The following GPC5 variants were observed in gnomAD, a reference collection of about 807,000 sequenced individuals.
GPC5 encodes the protein glypican 5.
Under a neutral mutation model 53.9 loss-of-function variants are expected in GPC5, and 47 were observed. The ratio of observed to expected loss-of-function variants is 0.87; its 90% CI spans 0.69 to 1.11. GPC5 has a LOEUF of 1.11. GPC5 is among the 50% of genes most tolerant of loss of function. The probability of loss-of-function intolerance (pLI) is 0.00; values close to 1 mark genes in which losing one functional copy is unlikely to be tolerated. For synonymous variants in GPC5, 286 were observed against 263.3 expected (o/e 1.09, Z -0.84); for missense variants, 748 against 713.1 (o/e 1.05, Z -0.56).
At chr13:92,595,896 G>C (rs117949436) in intron 7 of GPC5, among the ~76,000 whole-genome samples, 4,682 of 151,766 alleles carry the variant, frequency 0.031, 115 homozygotes, top group Middle Eastern at 0.075. Context: ...TCCTGCCCCT[G>C]AGCTCTATCA....
chr13:91,754,246 C>A (rs1416606801), intron 4 of GPC5, among the ~76,000 whole-genome samples: 1 of 152,038 alleles, frequency 6.6e-6, no homozygotes, highest in Non-Finnish European at 1.5e-5. Context: ...AAGTGAGTAA[C>A]ATAATCTCTG....
intron 7 of GPC5, among the ~76,000 whole-genome samples, chr13:92,634,517 C>T (rs1885353666): frequency 6.6e-6 from 1 of 151,996 alleles, no homozygotes; most frequent in Non-Finnish European, 1.5e-5. Flanking sequence ...GATTCTTTCT[C>T]CAATTTTACT....
intron 2 of GPC5, among the ~76,000 whole-genome samples, chr13:91,457,040 C>T (rs762079695): frequency 4.7e-4 from 71 of 151,756 alleles, no homozygotes; most frequent in African/African-American, 1.3e-3. Flanking sequence ...AGTAAAATTG[C>T]GTAATAATTT....
At chr13:91,982,246 C>A (rs2138718646) in intron 6 of GPC5, among the ~76,000 whole-genome samples, 3 of 152,228 alleles carry the variant, frequency 2.0e-5, no homozygotes, top group Admixed American at 2.0e-4. Flanking sequence ...ATATCCATAA[C>A]AACAGAAAAT....
At chr13:91,429,107 A>G (rs1879254598) in intron 1 of GPC5, among the ~76,000 whole-genome samples, 1 of 152,110 alleles carries the variant, frequency 6.6e-6, no homozygotes, top group African/African-American at 2.4e-5. Flanking sequence ...TTTAGTAGAG[A>G]TGGGGTTTCA....
At chr13:92,403,724 T>A (rs1405081581) in intron 7 of GPC5, among the ~76,000 whole-genome samples, 1 of 152,184 alleles carries the variant, frequency 6.6e-6, no homozygotes, top group South Asian at 2.1e-4. Context: ...CATTTCTTCT[T>A]AGTGAGTAGA....
Position 92,062,553 on chromosome 13 carries a change from A to G in GPC5, c.1402-82277A>G, listed in dbSNP as rs552146917. ...GTTCAAGTTTTATTCTAATGAAACTATTATTATCTAAGATATTTCCCTTGA... is the reference window on the plus strand; with the variant it reads ...GTTCAAGTTTTATTCTAATGAAACTGTTATTATCTAAGATATTTCCCTTGA... On this transcript the variant is annotated intron_variant, in intron 6 of 7. Transcript: ENST00000377067. 2.2e-3 allele frequency among the ~76,000 whole-genome samples: 331 copies of G among 152,150 alleles called. 6 individuals are homozygous for G. Among genetic ancestry groups the G allele is most frequent in the African/African-American group, 7.8e-3 (322 of 41,504 alleles).
chr13:91,918,517 T>C (rs1435748963), intron 6 of GPC5, among the ~76,000 whole-genome samples: 1 of 152,240 alleles, frequency 6.6e-6, no homozygotes, highest in Middle Eastern at 3.2e-3. Flanking sequence ...TTATCTTTTT[T>C]TGATATCCCA....
chr13:92,860,332 G>A (rs914359285), intron 7 of GPC5, among the ~76,000 whole-genome samples: 1 of 151,972 alleles, frequency 6.6e-6, no homozygotes, highest in South Asian at 2.1e-4. Flanking sequence ...GAGGCTATAG[G>A]GCTACCGGGA....
At chr13:92,636,817 G>T (rs1397967779) in intron 7 of GPC5, among the ~76,000 whole-genome samples, 1 of 152,014 alleles carries the variant, frequency 6.6e-6, no homozygotes, top group Non-Finnish European at 1.5e-5. Context: ...TTCTCCCTTG[G>T]ATATCTCACG....
At chr13:92,414,712 T>C (rs368892218) in intron 7 of GPC5, among the ~76,000 whole-genome samples, 24 of 152,092 alleles carry the variant, frequency 1.6e-4, no homozygotes, top group African/African-American at 5.3e-4. Flanking sequence ...CGACAAAAAT[T>C]TATCTCTTAC....
At chr13:91,676,466 G>GA (rs570114876) in intron 2 of GPC5, among the ~76,000 whole-genome samples, 159 of 151,888 alleles carry the variant, frequency 1.0e-3, no homozygotes, top group African/African-American at 2.6e-3. Flanking sequence ...GAAACAGAAT[G>GA]AAAAAAAAGT....
chr13:91,572,493 A>G (rs1428816758), intron 2 of GPC5, among the ~76,000 whole-genome samples: 1 of 152,092 alleles, frequency 6.6e-6, no homozygotes, highest in Non-Finnish European at 1.5e-5. Flanking sequence ...GAAGCTTATA[A>G]TCATGGCTGA....
chr13:92,035,941 AAGCCCATTTGTTC>A (rs2040889653), intron 6 of GPC5, among the ~76,000 whole-genome samples: 1 of 152,130 alleles, frequency 6.6e-6, no homozygotes, highest in Non-Finnish European at 1.5e-5. Context: ...TTTTCCACAA[AAGCCCATTTGTTC>A]ATTGACAGTT....
chr13:91,835,508 T>A (rs1312412632), intron 5 of GPC5, among the ~76,000 whole-genome samples: 1 of 152,142 alleles, frequency 6.6e-6, no homozygotes, highest in Non-Finnish European at 1.5e-5. Flanking sequence ...AATGATAGAC[T>A]GGATAAAGAA....
chr13:91,796,624 G>C (rs1348160492), intron 5 of GPC5, among the ~76,000 whole-genome samples: 1 of 152,134 alleles, frequency 6.6e-6, no homozygotes, highest in Non-Finnish European at 1.5e-5. Flanking sequence ...TGATGGGTCC[G>C]GTGTGAGCTG....
intron 7 of GPC5, among the ~76,000 whole-genome samples, chr13:92,584,320 T>A (rs1883466661): frequency 6.6e-6 from 1 of 152,112 alleles, no homozygotes; most frequent in Non-Finnish European, 1.5e-5. Flanking sequence ...CAGATGGAGA[T>A]GAGGAACTTC....
chr13:91,525,818 T>C (rs1886059426), intron 2 of GPC5, among the ~76,000 whole-genome samples: 1 of 152,188 alleles, frequency 6.6e-6, no homozygotes, highest in Non-Finnish European at 1.5e-5. Flanking sequence ...AAATTGGGCT[T>C]CCAGTCAGTG....
chr13:92,087,337 A>C (rs2041343631), intron 6 of GPC5, among the ~76,000 whole-genome samples: 2 of 152,232 alleles, frequency 1.3e-5, no homozygotes, highest in Non-Finnish European at 2.9e-5. Context: ...AAGAATGTCA[A>C]ATCAAGATTG....
Sources: gnomAD v4.1 joint callset for allele counts (sites outside exome capture counted in the v4.1 genomes callset) on GRCh38, gnomAD v4.1.1 for gene constraint, MANE v1.5 for transcripts, NCBI Gene and HGNC (gene_info 2026-07-23, HGNC 2026-07-21) for gene names.